ITGA4: variants seen among roughly 807,000 people sequenced by gnomAD.
ITGA4 encodes integrin alpha-4.
Under a neutral mutation model 133.6 loss-of-function variants are expected in ITGA4, and 63 were observed. The ratio of observed to expected loss-of-function variants is 0.47; its 90% CI spans 0.38 to 0.58. The LOEUF (loss-of-function observed/expected upper bound fraction) is 0.58, where lower values mean the gene tolerates loss of function less well. Among genes scored for constraint, ITGA4 ranks in the 20% least tolerant of loss-of-function variants. The probability of loss-of-function intolerance (pLI) is 0.00; values close to 1 mark genes in which losing one functional copy is unlikely to be tolerated. For synonymous variants in ITGA4, 483 were observed against 438.0 expected, an observed-to-expected ratio of 1.10 and a Z score of -1.28; for missense variants, 1,076 against 1,252.7, an observed-to-expected ratio of 0.86 and a Z score of 2.13.
At chr2:181,486,153 T>C in intron 10 of ITGA4, 161 bp downstream of exon 10, 1 of 811,742 alleles carries the variant, frequency 1.2e-6, no homozygotes, top group South Asian at 2.2e-5. Context: ...TGACTTCTCC[T>C]CAATTGTCAC....
chr2:181,485,140 A>G (rs906261341), intron 9 of ITGA4, among the ~76,000 whole-genome samples: 7 of 152,144 alleles, frequency 4.6e-5, no homozygotes, highest in African/African-American at 1.4e-4. Flanking sequence ...AGCTTCAATC[A>G]TGTCACTCCT....
chr2:181,476,502 A>G (rs981511181), intron 4 of ITGA4, among the ~76,000 whole-genome samples: 1 of 152,170 alleles, frequency 6.6e-6, no homozygotes, highest in Non-Finnish European at 1.5e-5. Context: ...TCCAATTCTT[A>G]TTTTCATAGA....
chr2:181,525,145 C>A, intron 20 of ITGA4, 57 bp from the exon 21 acceptor site: 1 of 974,218 alleles, frequency 1.0e-6, no homozygotes, highest in Non-Finnish European at 1.7e-6. Context: ...GTAATTAGTT[C>A]TCTCTGAAGA....
Position 181,485,922 on chromosome 2 carries a change from T to C in ITGA4, c.1083T>C (p.Ser361=). 1 of 1,605,594 alleles carries C rather than the reference T, an allele frequency of 6.2e-7. No homozygotes were observed. Among genetic ancestry groups the C allele is most frequent in the African/African-American group, 1.3e-5 (1 of 74,578 alleles). ...CAATGGAAACAAACCTCGTTGGAAG[T>C]GACAAATATGCTGCAAGATTTGGGG... The part of the protein sequence containing the change: ...MNAMETNLVG[S]DKYAARFGES... The change falls in exon 10 of 28, where the codon AGT becomes AGC. Residue 361 remains serine (S), a synonymous_variant. Transcript: ENST00000397033.
At chr2:181,526,220 T>C (rs71427804) in intron 21 of ITGA4, among the ~76,000 whole-genome samples, 1 of 152,124 alleles carries the variant, frequency 6.6e-6, no homozygotes, top group Non-Finnish European at 1.5e-5. Context: ...TGTTTCCTGG[T>C]TTTCAGTGTT....
chr2:181,522,969 C>CCT (rs1322040610), intron 18 of ITGA4, among the ~76,000 whole-genome samples: 1 of 152,112 alleles, frequency 6.6e-6, no homozygotes, highest in African/African-American at 2.4e-5. Context: ...TGATTAAATA[C>CCT]CTTAAACACA....
rs1686771248 is a variant in ITGA4, at chr2:181,523,764, G to A, written c.2169+232G>A. Among the ~76,000 whole-genome samples the A allele has an allele frequency of 6.6e-6, 1 of 152,082 alleles. No individual in the cohort carries two copies. On this transcript the variant is annotated intron_variant, in intron 19 of 27. Coordinates refer to ENST00000397033, the MANE Select transcript of ITGA4 (RefSeq NM_000885.6). This position sits in a 1 kb window ranked among gnomAD's most constrained non-coding sequence, Gnocchi z 4.2. ...TACATCGAAATGGGCATGTGCATGT[G>A]TCAATCAGAATTCTGCTCCCCCTAC...
At chr2:181,509,934 A>G in intron 16 of ITGA4, 127 bp downstream of exon 16, 1 of 638,784 alleles carries the variant, frequency 1.6e-6, no homozygotes, top group South Asian at 2.0e-5. Flanking sequence ...AAAAACAAAA[A>G]TAGATTTATT....
rs200146688 is a variant in ITGA4, at chr2:181,537,705, G to A, written c.*2178G>A. ...TAAATATTGATGTATTATGATGGTTGCAAAGTTTTTTTGTGTGTCCAATAA... is the reference window on the plus strand; with the variant it reads ...TAAATATTGATGTATTATGATGGTTACAAAGTTTTTTTGTGTGTCCAATAA... On this transcript the variant is annotated 3_prime_UTR_variant, in exon 28 of 28. Coordinates refer to ENST00000397033, the MANE Select transcript of ITGA4 (RefSeq NM_000885.6). The A allele has an allele frequency of 1.5e-4, 64 of 424,700 alleles. 1 individual carries two copies. The highest frequency in any genetic ancestry group is 6.5e-4 in the African/African-American group (31 of 47,456). The allele number at this position is 424,700 out of a possible 1,614,324, so 26.3% of individuals were successfully genotyped here. A position where few individuals can be genotyped will look rare whatever the true frequency, so the allele number is the denominator to read the frequency against.
chr2:181,465,792 T>C (rs1685397078), intron 2 of ITGA4, among the ~76,000 whole-genome samples: 1 of 152,122 alleles, frequency 6.6e-6, no homozygotes, highest in Non-Finnish European at 1.5e-5. Flanking sequence ...TGGTTGATAG[T>C]GTGAGTTTTA....
rs1349371241 is a variant in ITGA4, at chr2:181,532,182, CG to C, written c.2784+409del. On this transcript the variant is annotated intron_variant, in intron 25 of 27. Coordinates refer to ENST00000397033, the MANE Select transcript of ITGA4 (RefSeq NM_000885.6). ...TTAGCCTTGTAGTACAGTTTGAAGT[CG>C]GGTAGCCTGATGCCTCCAGCTTTCT... Among the ~76,000 whole-genome samples, 4 of 152,180 alleles carry C rather than the reference CG, an allele frequency of 2.6e-5. No individual in the cohort carries two copies. The East Asian group carries it at 7.7e-4, about 29-fold the overall frequency.
intron 4 of ITGA4, among the ~76,000 whole-genome samples, chr2:181,478,218 G>GAAGATGTTGGTGA (rs79795388): frequency 0.038 from 5,723 of 152,014 alleles, 184 homozygotes; most frequent in African/African-American, 0.087. Context: ...TTAGGAATAG[G>GAAGATGTTGGTGA]AAGATGTTGG....
chr2:181,535,468 C>T lies in ITGA4; in HGVS notation c.3040C>T (p.Gln1014Ter), dbSNP rs1687046819. ...FFKRQYKSIL[Q>*]EENRRDSWSY... ...TAAAAGACAATACAAATCTATCCTA[C>T]AAGAAGAAAACAGAAGAGACAGTTG... is the stretch of plus-strand genomic sequence containing the variant. The change falls in exon 28 of 28, where the codon CAA becomes TAA. Residue 1014 changes from glutamine (Q) to a stop codon, truncating the protein, a stop_gained. Coordinates refer to ENST00000397033, the MANE Select transcript of ITGA4 (RefSeq NM_000885.6). LOFTEE classifies it high-confidence loss of function. 1.2e-6 allele frequency: 2 copies of T among 1,609,520 alleles called. No individual in the cohort carries two copies. The highest frequency in any genetic ancestry group is 1.7e-6 in the Non-Finnish European group (2 of 1,177,628).
chr2:181,525,229 A>T lies in ITGA4; in HGVS notation c.2277A>T (p.Leu759=). ...AAAATGAAGAGGAAATGGACAATCT[A>T]AAGCACAGCAGAGTGACTGTAGCAA... ...TCENEEEMDN[L]KHSRVTVAIP... is the part of the protein sequence containing the mutation. Residue 759 remains leucine, a synonymous_variant, in exon 21 of 28, where the codon CTA becomes CTT. Transcript: ENST00000397033. The T allele has an allele frequency of 2.5e-6, 4 of 1,606,954 alleles. No homozygotes were observed. Among genetic ancestry groups the T allele is most frequent in the Non-Finnish European group, 3.4e-6 (4 of 1,173,904 alleles).
At chr2:181,494,913 T>G (rs931976552) in intron 12 of ITGA4, 101 bp downstream of exon 12, 2 of 672,424 alleles carry the variant, frequency 3.0e-6, no homozygotes, top group Admixed American at 4.9e-5. Flanking sequence ...GACTTCATCT[T>G]ACTGATAATT....
At chr2:181,463,144 CTG>C (rs1015367215) in intron 2 of ITGA4, among the ~76,000 whole-genome samples, 16 of 152,152 alleles carry the variant, frequency 1.1e-4, no homozygotes, top group African/African-American at 2.4e-4. Context: ...AAAGAGCAAA[CTG>C]TGTGTATAAA....
chr2:181,520,376 A>G (rs1347397045), intron 17 of ITGA4, among the ~76,000 whole-genome samples: 1 of 152,054 alleles, frequency 6.6e-6, no homozygotes, highest in Non-Finnish European at 1.5e-5. Flanking sequence ...TGTGCAGTGA[A>G]AGTGAAGCAG....
intron 25 of ITGA4, among the ~76,000 whole-genome samples, chr2:181,532,791 GGT>G (rs1686971677): frequency 1.3e-5 from 2 of 152,298 alleles, no homozygotes; most frequent in South Asian, 4.1e-4. Flanking sequence ...GAATAGGAGT[GGT>G]GAGAGAGGGC....
chr2:181,476,015 G>T, intron 4 of ITGA4: 1 of 1,051,862 alleles, frequency 9.5e-7, no homozygotes, highest in South Asian at 2.7e-5. Flanking sequence ...AGCACGCAAA[G>T]AAAAATTTTA....
Sources: gnomAD v4.1 joint callset for allele counts (sites outside exome capture counted in the v4.1 genomes callset) on GRCh38, gnomAD v4.1.1 for gene constraint, Gnocchi (gnomAD v3.1) non-coding constraint, MANE v1.5 for transcripts, NCBI Gene and HGNC (gene_info 2026-07-23, HGNC 2026-07-21) for gene names.